The following KCNJ6 variants were observed in gnomAD, a reference collection of about 807,000 sequenced individuals.
The protein encoded by KCNJ6 is potassium inwardly rectifying channel subfamily J member 6.
KCNJ6 carries 9 observed loss-of-function variants against 34.2 expected under a neutral mutation model. That is an observed-to-expected ratio of 0.26 (90% CI 0.16 to 0.46). The LOEUF (loss-of-function observed/expected upper bound fraction) is 0.46, where lower values mean the gene tolerates loss of function less well. KCNJ6 is among the 20% of genes least tolerant of loss of function. KCNJ6 has a pLI of 1.00. For synonymous variants in KCNJ6, 196 were observed against 207.1 expected (o/e 0.95, Z 0.46); for missense variants, 236 against 531.3 (o/e 0.44, Z 5.46).
rs1049957380 is a variant in KCNJ6, at chr21:37,617,014, T to C, written c.*8145A>G. 2.5e-4 allele frequency: 7 copies of C among 27,926 alleles called. No individual in the cohort carries two copies. The East Asian group carries it at 4.1e-3, about 16-fold the overall frequency. The allele number at this position is 27,926 out of a possible 1,614,324, so 1.7% of individuals were successfully genotyped here. On this transcript the variant is annotated 3_prime_UTR_variant, in exon 4 of 4. Transcript: ENST00000609713. ...TTCTTTCTTTCTCTTTCTTTTCTCTTTCTTTCTTTCTTTCTTTCTTTCTTT... is the reference window on the plus strand; with the variant it reads ...TTCTTTCTTTCTCTTTCTTTTCTCTCTCTTTCTTTCTTTCTTTCTTTCTTT...
intron 1 of KCNJ6, among the ~76,000 whole-genome samples, chr21:37,873,827 G>A (rs1444425598): frequency 6.6e-6 from 1 of 151,804 alleles, no homozygotes; most frequent in Non-Finnish European, 1.5e-5. Flanking sequence ...ATCTATCCAC[G>A]CTTCCACTTG....
Position 37,607,482 on chromosome 21 carries a change from A to ATTTTTTTT in KCNJ6, c.*17669_*17676dup, listed in dbSNP as rs753569226. Reference sequence around the variant, plus strand: ...CTTAAAGATATATATATATATATATATTTTTTTTTTATTTTAAAAAAATTT... The same window carrying ATTTTTTTT: ...CTTAAAGATATATATATATATATATATTTTTTTTTTTTTTTTTTATTTTAAAAAAATTT... On this transcript the variant is annotated 3_prime_UTR_variant, in exon 4 of 4. Transcript: ENST00000609713. The ATTTTTTTT allele has an allele frequency of 4.4e-5, 6 of 136,758 alleles. No homozygotes were observed. The highest frequency in any genetic ancestry group is 2.4e-4 in the South Asian group (1 of 4,178). The allele number at this position is 136,758 out of a possible 1,614,324, so 8.5% of individuals were successfully genotyped here. A position where few individuals can be genotyped will look rare whatever the true frequency, so the allele number is the denominator to read the frequency against.
intron 1 of KCNJ6, among the ~76,000 whole-genome samples, chr21:37,861,577 T>G (rs1490193824): frequency 6.6e-6 from 1 of 152,182 alleles, no homozygotes; most frequent in Non-Finnish European, 1.5e-5. Flanking sequence ...AGAAGTAGGG[T>G]TGCGACATGG....
intron 1 of KCNJ6, among the ~76,000 whole-genome samples, chr21:37,871,267 T>G (rs1161555598): frequency 6.6e-6 from 1 of 152,174 alleles, no homozygotes; most frequent in Non-Finnish European, 1.5e-5. Context: ...ATAGCCATGA[T>G]AGTCATTGAA....
At chr21:37,700,655 C>T (rs572163048) in intron 3 of KCNJ6, among the ~76,000 whole-genome samples, 1 of 152,082 alleles carries the variant, frequency 6.6e-6, no homozygotes, top group Non-Finnish European at 1.5e-5. Flanking sequence ...ACCAGGGCAG[C>T]GGCCAAGCCC....
At chr21:37,834,631 T>C (rs538415762) in intron 2 of KCNJ6, among the ~76,000 whole-genome samples, 1 of 152,360 alleles carries the variant, frequency 6.6e-6, no homozygotes, top group East Asian at 1.9e-4. Context: ...GAATAAATGA[T>C]TAAAAACCAC....
Position 37,630,711 on chromosome 21 carries a change from G to A in KCNJ6, c.947-5227C>T, listed in dbSNP as rs760565281. Among the ~76,000 whole-genome samples the A allele has an allele frequency of 3.9e-5, 6 of 152,092 alleles. No individual in the cohort carries two copies. In the East Asian group the frequency reaches 9.6e-4, roughly 24 times the overall value. Reference sequence around the variant, plus strand: ...TGGTGTACATGATATTTTGATATACGTGTATGTTGTGAAAAGGCTAAGTCT... The same window carrying A: ...TGGTGTACATGATATTTTGATATACATGTATGTTGTGAAAAGGCTAAGTCT... On this transcript the variant is annotated intron_variant, in intron 3 of 3. Coordinates refer to ENST00000609713, the MANE Select transcript of KCNJ6 (RefSeq NM_002240.5).
intron 3 of KCNJ6, among the ~76,000 whole-genome samples, chr21:37,667,186 TAAATG>T (rs146469405): frequency 0.37 from 31,964 of 86,516 alleles, 5,657 homozygotes; most frequent in Non-Finnish European, 0.43. Flanking sequence ...AAAAAAAAAT[TAAATG>T]AGGCAACGCA....
At chr21:37,716,974 A>G (rs2123454093) in intron 2 of KCNJ6, 1 of 154,500 alleles carries the variant, frequency 6.5e-6, no homozygotes, top group African/African-American at 2.4e-5. Context: ...GACAAATGTC[A>G]TCTCTCCACA....
At chr21:37,800,364 A>G (rs934496531) in intron 2 of KCNJ6, among the ~76,000 whole-genome samples, 1 of 152,326 alleles carries the variant, frequency 6.6e-6, no homozygotes, top group South Asian at 2.1e-4. Context: ...TATGCTGGAC[A>G]ATGAAAATGT....
chr21:37,706,945 C>T (rs2054722865), intron 3 of KCNJ6, among the ~76,000 whole-genome samples: 1 of 152,242 alleles, frequency 6.6e-6, no homozygotes, highest in African/African-American at 2.4e-5. Flanking sequence ...CTTGTTCTCA[C>T]TGAGCAGTTG....
At chr21:37,715,253 G>T in intron 2 of KCNJ6, 122 bp from the exon 3 acceptor site, 2 of 846,968 alleles carry the variant, frequency 2.4e-6, no homozygotes, top group Non-Finnish European at 3.6e-6. Context: ...TATAAACAAA[G>T]TAGACAAAGC....
At chr21:37,707,289 T>C (rs1460156472) in intron 3 of KCNJ6, among the ~76,000 whole-genome samples, 1 of 152,236 alleles carries the variant, frequency 6.6e-6, no homozygotes, top group Non-Finnish European at 1.5e-5. Flanking sequence ...AGATGCTCGC[T>C]GGGACTGGGT....
intron 2 of KCNJ6, among the ~76,000 whole-genome samples, chr21:37,808,461 A>C (rs2055304627): frequency 6.6e-6 from 1 of 152,244 alleles, no homozygotes; most frequent in Non-Finnish European, 1.5e-5. Context: ...TCCTCTCAGA[A>C]ATGCACAAAG....
At chr21:37,786,004 G>A (rs1220737201) in intron 2 of KCNJ6, among the ~76,000 whole-genome samples, 1 of 152,230 alleles carries the variant, frequency 6.6e-6, no homozygotes, top group Non-Finnish European at 1.5e-5. Flanking sequence ...AGAGCTGTGA[G>A]AAATAAATCT....
At position 37,778,274 on chromosome 21, in the gene KCNJ6, C is replaced by T. The variant is rs565959350; in HGVS notation, c.25+62384G>A. 7.9e-5 allele frequency among the ~76,000 whole-genome samples: 12 copies of T among 152,226 alleles called. No individual in the cohort carries two copies. In the South Asian group the frequency reaches 1.2e-3, roughly 16 times the overall value. On this transcript the variant is annotated intron_variant, in intron 2 of 3. Coordinates refer to ENST00000609713, the MANE Select transcript of KCNJ6 (RefSeq NM_002240.5). ...GAAGGATCTCTTCCCCAACCCGTTG[C>T]TACTTTGCTTTCTGAAAGTCAGTGT...
At chr21:37,689,611 T>C (rs1455168418) in intron 3 of KCNJ6, among the ~76,000 whole-genome samples, 1 of 152,144 alleles carries the variant, frequency 6.6e-6, no homozygotes, top group East Asian at 1.9e-4. Context: ...TTCTCTCTCT[T>C]CCTTCCTCTC....
chr21:37,778,696 C>CGT (rs61218477), intron 2 of KCNJ6, among the ~76,000 whole-genome samples: 8,864 of 146,120 alleles, frequency 0.061, 284 homozygotes, highest in African/African-American at 0.085. Flanking sequence ...GTGCTGTGTG[C>CGT]GTGTGTGTGT....
chr21:37,724,363 T>G (rs967692287), intron 2 of KCNJ6, among the ~76,000 whole-genome samples: 1 of 152,174 alleles, frequency 6.6e-6, no homozygotes, highest in African/African-American at 2.4e-5. Flanking sequence ...CGCACAACTA[T>G]TACTAGGTTT....
Sources: allele counts gnomAD v4.1 joint callset (sites outside exome capture counted in the v4.1 genomes callset), GRCh38; gene constraint gnomAD v4.1.1; transcripts MANE v1.5; gene names NCBI Gene and HGNC (gene_info 2026-07-23, HGNC 2026-07-21).